The following VPS13D variants were observed in gnomAD, a reference collection of about 807,000 sequenced individuals.
VPS13D encodes the protein intermembrane lipid transfer protein VPS13D.
A neutral mutation model predicts 461.9 loss-of-function variants in VPS13D; 187 were observed. The ratio of observed to expected loss-of-function variants is 0.40; its 90% CI spans 0.36 to 0.46. VPS13D has a LOEUF of 0.46. Among genes scored for constraint, VPS13D ranks in the 20% least tolerant of loss-of-function variants. VPS13D has a pLI of 0.60. For synonymous variants in VPS13D, 1,951 were observed against 1,986.3 expected (o/e 0.98, Z 0.47); for missense variants, 4,711 against 5,364.9 (o/e 0.88, Z 3.81).
At chr1:12,410,315 A>G (rs890050867) in intron 63 of VPS13D, among the ~76,000 whole-genome samples, 4 of 152,210 alleles carry the variant, frequency 2.6e-5, no homozygotes, top group Non-Finnish European at 4.4e-5. Context: ...TGAGACTGCT[A>G]AAGGACTACA....
intron 65 of VPS13D, among the ~76,000 whole-genome samples, chr1:12,449,073 C>T (rs1245578721): frequency 1.3e-5 from 2 of 151,550 alleles, no homozygotes; most frequent in Non-Finnish European, 2.9e-5. Context: ...AGTGTTTATC[C>T]GTGAAATAGC....
rs146387213 is a variant in VPS13D at position 12,467,166 on chromosome 1, G to A, written c.12662+6770G>A. Among the ~76,000 whole-genome samples the A allele has an allele frequency of 6.7e-3, 1,013 of 151,988 alleles. 10 individuals carry two copies. The highest frequency in any genetic ancestry group is 0.022 in the African/African-American group (923 of 41,476). On this transcript the variant is annotated intron_variant, in intron 67 of 69. Coordinates refer to ENST00000620676, the MANE Select transcript of VPS13D (RefSeq NM_015378.4). ...ATTAAGCTGATGAAATTATAGGATC[G>A]GATATTTTATTTTATTTTTTTTCAA...
At chr1:12,374,049 G>A (rs1277894842) in intron 55 of VPS13D, among the ~76,000 whole-genome samples, 191 bp downstream of exon 55, 2 of 152,230 alleles carry the variant, frequency 1.3e-5, no homozygotes, top group Non-Finnish European at 2.9e-5. Context: ...GACTTCTGGA[G>A]TGGGATGTGA....
At chr1:12,439,746 A>G (rs1314480176) in intron 65 of VPS13D, among the ~76,000 whole-genome samples, 1 of 152,206 alleles carries the variant, frequency 6.6e-6, no homozygotes, top group African/African-American at 2.4e-5. Flanking sequence ...GGAGGGAAGA[A>G]AGGGAAGAAG....
At chr1:12,269,755 A>G (rs1170730534) in intron 16 of VPS13D, among the ~76,000 whole-genome samples, 1 of 152,150 alleles carries the variant, frequency 6.6e-6, no homozygotes, top group Non-Finnish European at 1.5e-5. Flanking sequence ...TTCCCCCTTT[A>G]TTACAATGAA....
At chr1:12,304,431 T>TAAAGATAGAGTCCC (rs1553176995) in intron 25 of VPS13D, 75 bp from the exon 26 acceptor site, 2 of 1,367,696 alleles carry the variant, frequency 1.5e-6, no homozygotes, top group Non-Finnish European at 2.0e-6. Flanking sequence ...TTGGAGATAT[T>TAAAGATAGAGTCCC]AAAGATAGAG....
At chr1:12,333,196 AC>A in intron 37 of VPS13D, 29 bp from the exon 38 acceptor site, 1 of 1,610,582 alleles carries the variant, frequency 6.2e-7, no homozygotes, top group Non-Finnish European at 8.5e-7. Flanking sequence ...TATCTGCTGA[AC>A]AGATGTCTTA....
chr1:12,309,614 T>G (rs1467909272), intron 27 of VPS13D, among the ~76,000 whole-genome samples: 1 of 151,248 alleles, frequency 6.6e-6, no homozygotes. Context: ...ATACAAAAAT[T>G]AGCCAGGCAT....
Position 12,387,296 on chromosome 1 carries a change from C to A in VPS13D, c.11634+962C>A, listed in dbSNP as rs1570066472. Among the ~76,000 whole-genome samples the A allele has an allele frequency of 3.3e-5, 5 of 152,304 alleles. No individual in the cohort carries two copies. The South Asian group carries it at 1.0e-3, about 32-fold the overall frequency. ...GAAGATCCGAAAGAATCAACCTCTTCCCAAGTAAATTAACCATATCCTTGA... is the reference window on the plus strand; with the variant it reads ...GAAGATCCGAAAGAATCAACCTCTTACCAAGTAAATTAACCATATCCTTGA... On this transcript the variant is annotated intron_variant, in intron 60 of 69. Coordinates refer to ENST00000620676, the MANE Select transcript of VPS13D (RefSeq NM_015378.4).
chr1:12,433,441 GT>G (rs940857048), intron 65 of VPS13D, among the ~76,000 whole-genome samples: 7 of 152,146 alleles, frequency 4.6e-5, no homozygotes, highest in African/African-American at 1.7e-4. Context: ...CAGCTGAAGT[GT>G]TTTGTCAGAG....
chr1:12,287,263 C>G (rs947291358), intron 21 of VPS13D, among the ~76,000 whole-genome samples: 2 of 152,220 alleles, frequency 1.3e-5, no homozygotes, highest in Non-Finnish European at 2.9e-5. Flanking sequence ...GAGTTCCCCC[C>G]ACAAAGTCAT....
At chr1:12,386,947 CCAAGGTAT>C (rs1644357793) in intron 60 of VPS13D, among the ~76,000 whole-genome samples, 1 of 152,100 alleles carries the variant, frequency 6.6e-6, no homozygotes, top group Admixed American at 6.5e-5. Context: ...TCTAGAGAGA[CCAAGGTAT>C]CTATAGTTAT....
rs758554738 is a variant in VPS13D at position 12,401,637 on chromosome 1, A to C, written c.11814A>C (p.Thr3938=). 3 of 1,613,510 alleles carry C rather than the reference A, an allele frequency of 1.9e-6. No individual in the cohort carries two copies. Among genetic ancestry groups the C allele is most frequent in the Non-Finnish European group, 2.5e-6 (3 of 1,179,488 alleles). The stretch of plus-strand genomic sequence containing the variant: ...TGATGATCACAGCTCAGAGATTCAC[A>C]GTGCAAATTGAGGAGAAACTGCTCC... The part of the protein sequence containing the change: ...KHLMITAQRF[T]VQIEEKLLLK... The change falls in exon 62 of 70, where the codon ACA becomes ACC. Residue 3938 remains threonine, a synonymous_variant. Transcript: ENST00000620676.
At chr1:12,237,713 G>C (rs1440045699) in intron 2 of VPS13D, among the ~76,000 whole-genome samples, 2 of 151,878 alleles carry the variant, frequency 1.3e-5, no homozygotes, top group Non-Finnish European at 2.9e-5. Flanking sequence ...TGTGGTTCCA[G>C]CTACTTGGGA....
chr1:12,355,786 C>A, intron 47 of VPS13D, 113 bp from the exon 48 acceptor site: 1 of 1,085,506 alleles, frequency 9.2e-7, no homozygotes, highest in South Asian at 2.1e-5. Flanking sequence ...AAGATTTTTG[C>A]AGTTAGATAC....
intron 4 of VPS13D, 41 bp from the exon 5 acceptor site, chr1:12,244,496 A>G: frequency 1.2e-6 from 2 of 1,613,980 alleles, no homozygotes; most frequent in South Asian, 1.1e-5. Flanking sequence ...AAGATGAGCA[A>G]GAACACTAGA....
intron 31 of VPS13D, 53 bp from the exon 32 acceptor site, chr1:12,319,444 G>A (rs1642974519): frequency 1.2e-6 from 2 of 1,607,702 alleles, no homozygotes; most frequent in East Asian, 4.5e-5. Context: ...GCAACAGCCT[G>A]GTGTTTTCCA....
At chr1:12,258,307 G>A (rs532304360) in intron 10 of VPS13D, among the ~76,000 whole-genome samples, 1 of 152,292 alleles carries the variant, frequency 6.6e-6, no homozygotes, top group Non-Finnish European at 1.5e-5. Flanking sequence ...GCCGGGCCAT[G>A]GGGTAGGAGG....
intron 67 of VPS13D, chr1:12,478,753 G>A (rs758580488): frequency 2.2e-6 from 1 of 454,414 alleles, no homozygotes; most frequent in Non-Finnish European, 4.4e-6. Flanking sequence ...GGCCAGAAAC[G>A]GGACACCTTA....
Sources: gnomAD v4.1 joint callset for allele counts (sites outside exome capture counted in the v4.1 genomes callset) on GRCh38, gnomAD v4.1.1 for gene constraint, MANE v1.5 for transcripts, NCBI Gene and HGNC (gene_info 2026-07-23, HGNC 2026-07-21) for gene names.